The following SORCS3 variants were observed in gnomAD, a reference collection of about 807,000 sequenced individuals.
The protein encoded by SORCS3 is sortilin related VPS10 domain containing receptor 3.
In SORCS3, 57 loss-of-function variants were observed where a neutral mutation model predicts 146.3. The ratio of observed to expected loss-of-function variants is 0.39; its 90% CI spans 0.31 to 0.49. The LOEUF is 0.49. Ranked by LOEUF, SORCS3 falls within the 20% of genes least tolerant of loss-of-function variation. The pLI, the probability that SORCS3 is intolerant of heterozygous loss-of-function variation, is 0.92. For synonymous variants in SORCS3, 653 were observed against 618.5 expected, an observed-to-expected ratio of 1.06 and a Z score of -0.83; for missense variants, 1,341 against 1,575.5, an observed-to-expected ratio of 0.85 and a Z score of 2.52.
At chr10:104,891,669 T>C (rs1282180754) in intron 2 of SORCS3, among the ~76,000 whole-genome samples, 4 of 152,202 alleles carry the variant, frequency 2.6e-5, no homozygotes, top group East Asian at 1.9e-4. Flanking sequence ...AATTGTTTCA[T>C]GTGAGCGGGT....
At chr10:105,253,921 G>A (rs538349746) in intron 23 of SORCS3, among the ~76,000 whole-genome samples, 65 of 152,304 alleles carry the variant, frequency 4.3e-4, no homozygotes, top group South Asian at 3.1e-3. Flanking sequence ...CAAGTGGCAT[G>A]TGTGAACTAT....
At chr10:104,741,475 G>C (rs926098316) in intron 1 of SORCS3, among the ~76,000 whole-genome samples, 2 of 151,490 alleles carry the variant, frequency 1.3e-5, no homozygotes, top group Admixed American at 1.3e-4. Flanking sequence ...GAATCTTTAG[G>C]GTTGTGTCTT....
At chr10:104,861,211 T>C (rs1274912326) in intron 2 of SORCS3, among the ~76,000 whole-genome samples, 1 of 152,184 alleles carries the variant, frequency 6.6e-6, no homozygotes, top group Non-Finnish European at 1.5e-5. Context: ...ACCTGTTACC[T>C]GTACCTGCTT....
At chr10:104,881,420 T>C (rs1381868339) in intron 2 of SORCS3, among the ~76,000 whole-genome samples, 1 of 152,204 alleles carries the variant, frequency 6.6e-6, no homozygotes, top group African/African-American at 2.4e-5. Flanking sequence ...ATGCATAGAA[T>C]GATACTTTTT....
intron 20 of SORCS3, among the ~76,000 whole-genome samples, chr10:105,229,504 T>A (rs1484733914): frequency 2.0e-5 from 3 of 152,204 alleles, no homozygotes; most frequent in Non-Finnish European, 4.4e-5. Flanking sequence ...AATTTGCTTT[T>A]GTAGGGAGGG....
rs1001467136 is a variant in SORCS3, at chr10:105,147,826, G to C, written c.1482+30G>C. On this transcript the variant is annotated intron_variant, in intron 9 of 26. Coordinates refer to ENST00000369701, the MANE Select transcript of SORCS3 (RefSeq NM_014978.3). ...GTAGCCAAAATTCTCCTTCCCTTGG[G>C]TCTGTCTCTCTTTTTCCTGAGTTTT... 23 of 1,588,962 alleles carry C rather than the reference G, an allele frequency of 1.4e-5. No individual in the cohort carries two copies. The Admixed American group carries it at 3.9e-4, about 27-fold the overall frequency.
intron 4 of SORCS3, among the ~76,000 whole-genome samples, chr10:104,985,824 A>G (rs1401075424): frequency 6.6e-6 from 1 of 152,068 alleles, no homozygotes; most frequent in Non-Finnish European, 1.5e-5. Context: ...TTTTCTTAGT[A>G]GTAGGTCTCA....
intron 3 of SORCS3, among the ~76,000 whole-genome samples, chr10:104,935,105 C>T (rs2019247263): frequency 6.6e-6 from 1 of 152,126 alleles, no homozygotes; most frequent in African/African-American, 2.4e-5. Context: ...GGCCAATCAT[C>T]GTATGATTAA....
At chr10:104,976,001 G>A (rs1248469602) in intron 3 of SORCS3, among the ~76,000 whole-genome samples, 1 of 152,092 alleles carries the variant, frequency 6.6e-6, no homozygotes, top group Non-Finnish European at 1.5e-5. Flanking sequence ...ATAGGCATGG[G>A]CAAGGACTTC....
chr10:105,057,607 G>A (rs1035695706), intron 5 of SORCS3, among the ~76,000 whole-genome samples: 1 of 152,180 alleles, frequency 6.6e-6, no homozygotes, highest in Non-Finnish European at 1.5e-5. Flanking sequence ...CATGATTTTG[G>A]CAAGTTTGGT....
At chr10:105,256,552 C>G (rs1170270674) in intron 24 of SORCS3, among the ~76,000 whole-genome samples, 1 of 152,192 alleles carries the variant, frequency 6.6e-6, no homozygotes, top group African/African-American at 2.4e-5. Context: ...CTCCCCTGAG[C>G]TGGACATACG....
At chr10:104,691,881 T>C (rs2016117474) in intron 1 of SORCS3, among the ~76,000 whole-genome samples, 1 of 152,118 alleles carries the variant, frequency 6.6e-6, no homozygotes, top group African/African-American at 2.4e-5. Context: ...GCTAGGACTA[T>C]AGGTGTGGAC....
At chr10:104,856,791 ATATATAAATATATATTAAT>A (rs932503224) in intron 2 of SORCS3, among the ~76,000 whole-genome samples, 40 of 145,078 alleles carry the variant, frequency 2.8e-4, no homozygotes, top group Non-Finnish European at 5.1e-4. Context: ...ATATATTAGT[ATATATAAATATATATTAAT>A]TATATAAATA....
At chr10:104,735,737 T>C (rs1437611391) in intron 1 of SORCS3, among the ~76,000 whole-genome samples, 1 of 152,054 alleles carries the variant, frequency 6.6e-6, no homozygotes, top group Non-Finnish European at 1.5e-5. Flanking sequence ...GGGATGAGCA[T>C]TCCGATAAGG....
chr10:104,833,834 A>G (rs1312639887), intron 1 of SORCS3, among the ~76,000 whole-genome samples: 1 of 152,098 alleles, frequency 6.6e-6, no homozygotes, highest in African/African-American at 2.4e-5. Context: ...TATCCAGCTC[A>G]GTGTTTGACT....
intron 4 of SORCS3, among the ~76,000 whole-genome samples, chr10:105,021,327 G>C (rs951898068): frequency 2.6e-5 from 4 of 152,114 alleles, no homozygotes; most frequent in African/African-American, 9.7e-5. Flanking sequence ...GCCCTTGTAT[G>C]ATCTATATTA....
At position 105,177,371 on chromosome 10, in the gene SORCS3, A is replaced by G. The variant is rs571278996; in HGVS notation, c.1902-695A>G. On this transcript the variant is annotated intron_variant, in intron 13 of 26. Coordinates refer to ENST00000369701, the MANE Select transcript of SORCS3 (RefSeq NM_014978.3). ...TGGGCTATGCCCCCTGGTTAAATCA[A>G]GGGGCAGAAAGGTCCTTGATAATAT... 2.0e-5 allele frequency among the ~76,000 whole-genome samples: 3 copies of G among 152,310 alleles called. No homozygotes were observed. In the East Asian group the frequency reaches 5.8e-4, roughly 29 times the overall value.
At chr10:105,019,818 G>T (rs1460057188) in intron 4 of SORCS3, among the ~76,000 whole-genome samples, 1 of 152,136 alleles carries the variant, frequency 6.6e-6, no homozygotes, top group Non-Finnish European at 1.5e-5. Flanking sequence ...CCATCAATAG[G>T]CATTTGTTAA....
chr10:105,235,621 T>C (rs983674219), intron 20 of SORCS3, among the ~76,000 whole-genome samples: 14 of 152,066 alleles, frequency 9.2e-5, no homozygotes, highest in African/African-American at 3.4e-4. Flanking sequence ...GAAATAAATA[T>C]TCAGTTTCTG....
Sources: allele counts gnomAD v4.1 joint callset (sites outside exome capture counted in the v4.1 genomes callset), GRCh38; gene constraint gnomAD v4.1.1; transcripts MANE v1.5; gene names NCBI Gene and HGNC (gene_info 2026-07-23, HGNC 2026-07-21).